PRKCA: variants seen among roughly 807,000 people sequenced by gnomAD.
The protein encoded by PRKCA is protein kinase C alpha.
A neutral mutation model predicts 87.0 loss-of-function variants in PRKCA; 27 were observed. The observed-to-expected ratio is 0.31, with a 90% confidence interval of 0.23 to 0.43. PRKCA has a LOEUF of 0.43. Ranked by LOEUF, PRKCA falls within the 20% of genes least tolerant of loss-of-function variation. The pLI is 1.00. For missense variants in PRKCA, 518 were observed against 852.3 expected (o/e 0.61, Z 4.88); for synonymous variants, 329 against 311.1 (o/e 1.06, Z -0.61).
chr17:66,742,865 T>A, intron 13 of PRKCA, 105 bp downstream of exon 13: 1 of 1,302,946 alleles, frequency 7.7e-7, no homozygotes, highest in South Asian at 1.4e-5. Flanking sequence ...CAGTGCATGG[T>A]CACAGCCACT....
chr17:66,783,808 T>C (rs1260694500), intron 14 of PRKCA, among the ~76,000 whole-genome samples: 1 of 152,244 alleles, frequency 6.6e-6, no homozygotes, highest in African/African-American at 2.4e-5. Context: ...ACTTGGCCCC[T>C]GCAGCGTTCC....
At chr17:66,627,814 C>A (rs112532032) in intron 3 of PRKCA, among the ~76,000 whole-genome samples, 2,157 of 152,106 alleles carry the variant, frequency 0.014, 27 homozygotes, top group Non-Finnish European at 0.023. Flanking sequence ...TATCCCCCCC[C>A]AAAAAATTGA....
At position 66,397,263 on chromosome 17, in the gene PRKCA, C is replaced by T. The variant is rs188327653; in HGVS notation, c.205+91136C>T. On this transcript the variant is annotated intron_variant, in intron 2 of 16. Transcript: ENST00000413366. ...TACAGGCATGAGCCAGCATGCCCGG[C>T]CCCAGTGTAGACTTTTTTTTTTTTT... 2.0e-3 allele frequency among the ~76,000 whole-genome samples: 293 copies of T among 144,028 alleles called. 2 individuals carry two copies. The highest frequency in any genetic ancestry group is 6.9e-3 in the African/African-American group (274 of 39,512). 94.5% of individuals were successfully genotyped at this position (144,028 alleles called of 152,430 possible).
rs530953934 is a variant in PRKCA, at chr17:66,306,513, C to T, written c.205+386C>T. Among the ~76,000 whole-genome samples, 54 of 152,144 alleles carry T rather than the reference C, an allele frequency of 3.5e-4. 2 individuals are homozygous for T. The South Asian group carries it at 9.8e-3, about 27-fold the overall frequency. ...TTTTACTTATGTATTGAGTTGGACT[C>T]ACTGCAACTAATTTTAGGCCGTATT... is the stretch of plus-strand genomic sequence containing the variant. On this transcript the variant is annotated intron_variant, in intron 2 of 16. Coordinates refer to ENST00000413366, the MANE Select transcript of PRKCA (RefSeq NM_002737.3).
At chr17:66,558,687 AG>A (rs1160099484) in intron 3 of PRKCA, among the ~76,000 whole-genome samples, 2 of 151,988 alleles carry the variant, frequency 1.3e-5, no homozygotes, top group Admixed American at 1.3e-4. Context: ...GTGGAGAGTA[AG>A]GGGGGGAGGG....
At chr17:66,568,720 G>A (rs1271710368) in intron 3 of PRKCA, among the ~76,000 whole-genome samples, 1 of 152,160 alleles carries the variant, frequency 6.6e-6, no homozygotes, top group Non-Finnish European at 1.5e-5. Flanking sequence ...ATTTCCTCAT[G>A]TTCCATGTTC....
In PRKCA at chr17:66,765,756, CGT is replaced by C. The variant is rs199513544; in HGVS notation, c.1525-8226_1525-8225del. Among the ~76,000 whole-genome samples, 86 of 151,972 alleles carry C rather than the reference CGT, an allele frequency of 5.7e-4. 1 individual carries two copies. In the East Asian group the frequency reaches 0.016, roughly 28 times the overall value. On this transcript the variant is annotated intron_variant, in intron 13 of 16. Transcript: ENST00000413366. ...GGACAGTATAGCCAACATCCTAAGTCGTGTGTATCTGAATGTTTATCTTCCAG... is the reference window on the plus strand; with the variant it reads ...GGACAGTATAGCCAACATCCTAAGTCGTGTATCTGAATGTTTATCTTCCAG...
intron 10 of PRKCA, among the ~76,000 whole-genome samples, chr17:66,737,225 T>TGGTGGCGGGCGC (rs1974055592): frequency 6.8e-6 from 1 of 146,524 alleles, no homozygotes; most frequent in African/African-American, 2.5e-5. Context: ...TAGCCGGGCG[T>TGGTGGCGGGCGC]GGTGGCGGGC....
intron 2 of PRKCA, among the ~76,000 whole-genome samples, chr17:66,449,020 C>T (rs1250851266): frequency 1.3e-5 from 2 of 148,536 alleles, no homozygotes; most frequent in African/African-American, 4.9e-5. Flanking sequence ...TGAGGTGGCT[C>T]ATGCCTGTAA....
At chr17:66,420,024 T>TA (rs1173301091) in intron 2 of PRKCA, among the ~76,000 whole-genome samples, 5 of 142,362 alleles carry the variant, frequency 3.5e-5, no homozygotes, top group Admixed American at 7.2e-5. Context: ...TTTTTTTTTT[T>TA]AAATATGAGA....
intron 5 of PRKCA, among the ~76,000 whole-genome samples, chr17:66,647,202 G>T (rs1003852703): frequency 1.3e-5 from 2 of 152,124 alleles, no homozygotes; most frequent in Non-Finnish European, 2.9e-5. Flanking sequence ...AACCATGTAT[G>T]GGGGGAGCAG....
intron 2 of PRKCA, among the ~76,000 whole-genome samples, chr17:66,353,285 A>C (rs1286475090): frequency 1.3e-5 from 2 of 152,116 alleles, no homozygotes; most frequent in Non-Finnish European, 2.9e-5. Context: ...CTAATCTTTA[A>C]TTTTTCTGAT....
At chr17:66,592,361 A>AAAAG (rs1969836441) in intron 3 of PRKCA, among the ~76,000 whole-genome samples, 1 of 151,142 alleles carries the variant, frequency 6.6e-6, no homozygotes, top group Non-Finnish European at 1.5e-5. Flanking sequence ...AAAAAAAAAA[A>AAAAG]GTTACCATTG....
chr17:66,304,782 A>T (rs1470013782), intron 1 of PRKCA, among the ~76,000 whole-genome samples: 1 of 152,216 alleles, frequency 6.6e-6, no homozygotes, highest in African/African-American at 2.4e-5. Flanking sequence ...CGGCATATGA[A>T]GCGACTGTGC....
chr17:66,634,300 C>G (rs1971097391), intron 3 of PRKCA, among the ~76,000 whole-genome samples: 1 of 151,994 alleles, frequency 6.6e-6, no homozygotes. Flanking sequence ...TTTTTTTCTC[C>G]CAACCACATA....
chr17:66,386,818 A>C (rs1343921664), intron 2 of PRKCA, among the ~76,000 whole-genome samples: 1 of 152,128 alleles, frequency 6.6e-6, no homozygotes. Context: ...TTTTAATGTA[A>C]GGCTTGAAAG....
Position 66,805,529 on chromosome 17 carries a change from A to T in PRKCA, c.*1492A>T, listed in dbSNP as rs1976011705. Reference sequence around the variant, plus strand: ...TTTAAATGTAGATAAAATTTCAAAAATGAATGGCTAGTTTACGTGATAGAT... The same window carrying T: ...TTTAAATGTAGATAAAATTTCAAAATTGAATGGCTAGTTTACGTGATAGAT... On this transcript the variant is annotated 3_prime_UTR_variant, in exon 17 of 17. Transcript: ENST00000413366. The T allele has an allele frequency of 6.6e-6, 1 of 152,398 alleles. No homozygotes were observed. Among genetic ancestry groups the T allele is most frequent in the Non-Finnish European group, 1.5e-5 (1 of 68,058 alleles). 9.4% of individuals were successfully genotyped at this position (152,398 alleles called of 1,614,324 possible). A position where few individuals can be genotyped will look rare whatever the true frequency, so the allele number is the denominator to read the frequency against.
At chr17:66,736,425 C>T (rs1291582678) in intron 10 of PRKCA, among the ~76,000 whole-genome samples, 1 of 152,040 alleles carries the variant, frequency 6.6e-6, no homozygotes, top group East Asian at 1.9e-4. Flanking sequence ...TTACAGGCCG[C>T]TGCCACCACG....
chr17:66,369,002 G>A (rs9901159), intron 2 of PRKCA, among the ~76,000 whole-genome samples: 152,033 of 152,306 alleles, frequency 1, 75,880 homozygotes, highest in Non-Finnish European at 1. Context: ...TTCTTCTCAA[G>A]CATCTCATTC....
Sources: gnomAD v4.1 joint callset for allele counts (sites outside exome capture counted in the v4.1 genomes callset) on GRCh38, gnomAD v4.1.1 for gene constraint, MANE v1.5 for transcripts, NCBI Gene and HGNC (gene_info 2026-07-23, HGNC 2026-07-21) for gene names.